Variants in LRRIQ3 observed in about 807,000 individuals in gnomAD.
The protein encoded by LRRIQ3 is leucine-rich repeat and IQ domain-containing protein 3.
In LRRIQ3, 75 loss-of-function variants were observed where a neutral mutation model predicts 59.3. The ratio of observed to expected loss-of-function variants is 1.26; its 90% confidence interval spans 1.05 to 1.53. The LOEUF is 1.53. Among genes scored for constraint, LRRIQ3 ranks in the 40% most tolerant of loss-of-function variants. The pLI is 0.00. For missense variants in LRRIQ3, 831 were observed against 710.0 expected, an observed-to-expected ratio of 1.17 and a Z score of -1.94; for synonymous variants, 250 against 231.3, an observed-to-expected ratio of 1.08 and a Z score of -0.73.
intron 6 of LRRIQ3, among the ~76,000 whole-genome samples, chr1:74,059,353 T>TTTTTTTTTTTTTTTGAGACGG (rs1654633293): frequency 6.6e-6 from 1 of 151,858 alleles, no homozygotes; most frequent in African/African-American, 2.4e-5. Context: ...TCTTCTCTTT[T>TTTTTTTTTTTTTTTGAGACGG]AAGACATTTA....
intron 3 of LRRIQ3, among the ~76,000 whole-genome samples, chr1:74,167,313 G>A (rs930464945): frequency 6.6e-6 from 1 of 151,746 alleles, no homozygotes; most frequent in Non-Finnish European, 1.5e-5. Flanking sequence ...CAGCAACCTG[G>A]ATGAAATTGG....
intron 6 of LRRIQ3, among the ~76,000 whole-genome samples, chr1:74,052,457 T>C (rs1654398435): frequency 6.6e-6 from 1 of 152,162 alleles, no homozygotes; most frequent in Non-Finnish European, 1.5e-5. Flanking sequence ...GCTGTGAGGG[T>C]TGAGTGAAAT....
At chr1:74,085,999 T>C (rs1646324088) in intron 5 of LRRIQ3, among the ~76,000 whole-genome samples, 1 of 152,024 alleles carries the variant, frequency 6.6e-6, no homozygotes, top group Non-Finnish European at 1.5e-5. Context: ...ACCCTCTCCA[T>C]CCTTCGGAGC....
chr1:74,090,544 T>G (rs956471783), intron 5 of LRRIQ3, among the ~76,000 whole-genome samples: 6 of 151,986 alleles, frequency 3.9e-5, no homozygotes, highest in Admixed American at 2.0e-4. Context: ...TAACCAGGAC[T>G]GGTAAAATAT....
At chr1:74,046,752 GA>G (rs372129749) in intron 6 of LRRIQ3, among the ~76,000 whole-genome samples, 1 of 151,406 alleles carries the variant, frequency 6.6e-6, no homozygotes, top group South Asian at 2.1e-4. Context: ...AGATTTACAA[GA>G]AAAAAAACAA....
rs139057300 is a variant in LRRIQ3 at position 74,051,481 on chromosome 1, T to C, written c.998-9548A>G. Reference sequence around the variant, plus strand: ...TTTTAAAAACATCCGTATTGAGATATACTTAATATTCCATATTAGTGGTAT... The same window carrying C: ...TTTTAAAAACATCCGTATTGAGATACACTTAATATTCCATATTAGTGGTAT... On this transcript the variant is annotated intron_variant, in intron 6 of 7. Coordinates refer to ENST00000354431, the MANE Select transcript of LRRIQ3 (RefSeq NM_001105659.2). Among the ~76,000 whole-genome samples the C allele has an allele frequency of 1.3e-3, 194 of 152,290 alleles. 3 individuals carry two copies. In the Middle Eastern group the frequency reaches 0.02, roughly 16 times the overall value.
intron 4 of LRRIQ3, among the ~76,000 whole-genome samples, chr1:74,146,216 T>A (rs546571668): frequency 6.6e-6 from 1 of 152,110 alleles, no homozygotes; most frequent in Non-Finnish European, 1.5e-5. Context: ...TCAGAATGCA[T>A]CCTTGTCATT....
At position 74,159,671 on chromosome 1, in the gene LRRIQ3, T is replaced by C. The variant is rs140163281; in HGVS notation, c.574-3805A>G. On this transcript the variant is annotated intron_variant, in intron 3 of 7. Coordinates refer to ENST00000354431, the MANE Select transcript of LRRIQ3 (RefSeq NM_001105659.2). ...AGTGAAAACCTTCCTTGTAATATCT[T>C]ACTGCCTCACATACCTAGATTATCC... Among the ~76,000 whole-genome samples, 1,242 of 152,254 alleles carry C rather than the reference T, an allele frequency of 8.2e-3. 5 individuals carry two copies. The highest frequency in any genetic ancestry group is 0.012 in the Non-Finnish European group (830 of 67,998).
chr1:74,144,250 G>C (rs879789329), intron 4 of LRRIQ3: 29 of 167,204 alleles, frequency 1.7e-4, no homozygotes, highest in Admixed American at 1.3e-4. Context: ...TTGACAAGGA[G>C]TCTTATTTGC....
intron 5 of LRRIQ3, among the ~76,000 whole-genome samples, chr1:74,099,830 G>T (rs1297646066): frequency 1.3e-5 from 2 of 152,114 alleles, no homozygotes; most frequent in African/African-American, 4.8e-5. Flanking sequence ...AATAGATGCA[G>T]AAAAGGCCTT....
chr1:74,113,523 C>A (rs190312287), intron 4 of LRRIQ3, among the ~76,000 whole-genome samples: 1 of 151,742 alleles, frequency 6.6e-6, no homozygotes, highest in South Asian at 2.1e-4. Context: ...CTTGAGCTCA[C>A]GAAAAATGAT....
chr1:74,168,814 T>C (rs914618342), intron 3 of LRRIQ3, among the ~76,000 whole-genome samples: 1 of 152,248 alleles, frequency 6.6e-6, no homozygotes, highest in South Asian at 2.1e-4. Flanking sequence ...TATGGACATA[T>C]GTATTACTTG....
intron 7 of LRRIQ3, among the ~76,000 whole-genome samples, chr1:74,039,137 C>A (rs74631026): frequency 0.019 from 2,922 of 152,154 alleles, 79 homozygotes; most frequent in African/African-American, 0.067. Context: ...AACATAAATG[C>A]CCTGATGGAG....
chr1:74,144,045 G>A (rs111880249), intron 4 of LRRIQ3, among the ~76,000 whole-genome samples: 2 of 151,834 alleles, frequency 1.3e-5, no homozygotes, highest in Non-Finnish European at 2.9e-5. Context: ...ATAGATGTTG[G>A]TGTTTAAAGT....
Position 74,026,816 on chromosome 1 carries a change from T to C in LRRIQ3, c.1872A>G (p.Lys624=). Residue 624 remains lysine, a synonymous_variant, in exon 8 of 8, where the codon AAA becomes AAG. Transcript: ENST00000354431. ...LDFKVPNGLI[K] is the part of the protein sequence containing the mutation. ...TAGGATGTGATCTGGCATTGATTCATTTTATCAGTCCATTGGGAACTTTAA... is the reference window on the plus strand; with the variant it reads ...TAGGATGTGATCTGGCATTGATTCACTTTATCAGTCCATTGGGAACTTTAA... 6.3e-7 allele frequency: 1 copy of C among 1,599,830 alleles called. No individual in the cohort carries two copies. The highest frequency in any genetic ancestry group is 8.5e-7 in the Non-Finnish European group (1 of 1,175,084).
At position 74,072,538 on chromosome 1, in the gene LRRIQ3, G is replaced by A. The variant is rs188800854; in HGVS notation, c.997+2123C>T. On this transcript the variant is annotated intron_variant, in intron 6 of 7. Coordinates refer to ENST00000354431, the MANE Select transcript of LRRIQ3 (RefSeq NM_001105659.2). Reference sequence around the variant, plus strand: ...ATTGAGAGATTAATGTTTTTATCACGTTCTTAAATTTCTTCATATTTGGGC... The same window carrying A: ...ATTGAGAGATTAATGTTTTTATCACATTCTTAAATTTCTTCATATTTGGGC... Among the ~76,000 whole-genome samples, 232 of 151,344 alleles carry A rather than the reference G, an allele frequency of 1.5e-3. 5 individuals carry two copies. The East Asian group carries it at 0.033, about 21-fold the overall frequency.
At chr1:74,137,863 T>C (rs1647150405) in intron 4 of LRRIQ3, among the ~76,000 whole-genome samples, 1 of 151,702 alleles carries the variant, frequency 6.6e-6, no homozygotes. Flanking sequence ...AAACACTGCA[T>C]GTTCTCACTC....
rs35686462 is a variant in LRRIQ3, at chr1:74,166,276, GT to G, written c.574-10411del. On this transcript the variant is annotated intron_variant, in intron 3 of 7. Transcript: ENST00000354431. Reference sequence around the variant, plus strand: ...AAATTATCTATTTCATGGTGGGTGAGTTTTTGTAGTTTGTGTTTTTTTTTCT... The same window carrying G: ...AAATTATCTATTTCATGGTGGGTGAGTTTTGTAGTTTGTGTTTTTTTTTCT... Among the ~76,000 whole-genome samples, 1,063 of 151,028 alleles carry G rather than the reference GT, an allele frequency of 7.0e-3. 53 individuals are homozygous for G. Among genetic ancestry groups the G allele is most frequent in the Admixed American group, 0.061 (926 of 15,144 alleles).
intron 3 of LRRIQ3, among the ~76,000 whole-genome samples, chr1:74,161,197 A>G (rs928233076): frequency 5.3e-5 from 8 of 152,028 alleles, no homozygotes; most frequent in African/African-American, 1.7e-4. Flanking sequence ...CTCTTTACAA[A>G]GAACACGAAT....
Sources: gnomAD v4.1 joint callset for allele counts (sites outside exome capture counted in the v4.1 genomes callset) on GRCh38, gnomAD v4.1.1 for gene constraint, MANE v1.5 for transcripts, NCBI Gene and HGNC (gene_info 2026-07-23, HGNC 2026-07-21) for gene names.